Variants in LRGUK observed in about 807,000 individuals in gnomAD.
The protein encoded by LRGUK is leucine-rich repeat and guanylate kinase domain-containing protein.
A neutral mutation model predicts 76.0 loss-of-function variants in LRGUK; 65 were observed. The ratio of observed to expected loss-of-function variants is 0.85; its 90% confidence interval spans 0.70 to 1.05. The LOEUF (loss-of-function observed/expected upper bound fraction) is 1.05. LRGUK is among the 50% of genes least tolerant of loss of function. The pLI is 0.00. For synonymous variants in LRGUK, 268 were observed against 265.6 expected (o/e 1.01, Z -0.09); for missense variants, 758 against 732.8 (o/e 1.03, Z -0.40).
At chr7:134,205,285 T>A (rs188805375) in intron 15 of LRGUK, among the ~76,000 whole-genome samples, 64 of 152,238 alleles carry the variant, frequency 4.2e-4, no homozygotes, top group African/African-American at 1.5e-3. Flanking sequence ...AAGTTCCTGA[T>A]TGGTGCGTTT....
At chr7:134,142,301 T>C (rs373767744) in intron 3 of LRGUK, among the ~76,000 whole-genome samples, 81 of 152,326 alleles carry the variant, frequency 5.3e-4, no homozygotes, top group African/African-American at 1.9e-3. Context: ...CCCTTCCTGA[T>C]TCCTTCCCTA....
chr7:134,182,502 T>C (rs1250452589), intron 10 of LRGUK, among the ~76,000 whole-genome samples: 2 of 152,164 alleles, frequency 1.3e-5, no homozygotes, highest in Non-Finnish European at 2.9e-5. Context: ...CGATACTGTT[T>C]CATGTACTTA....
chr7:134,179,220 C>G (rs77419812), intron 10 of LRGUK, among the ~76,000 whole-genome samples: 4 of 152,168 alleles, frequency 2.6e-5, no homozygotes, highest in African/African-American at 7.2e-5. Flanking sequence ...TGAACAGAGT[C>G]TCTCACCTCT....
chr7:134,158,383 TG>T (rs1425447094), intron 6 of LRGUK, among the ~76,000 whole-genome samples: 1 of 152,204 alleles, frequency 6.6e-6, no homozygotes, highest in Admixed American at 6.5e-5. Context: ...TAAAATGATT[TG>T]CTAATTTGTT....
At chr7:134,136,386 A>G (rs1797542229) in intron 1 of LRGUK, among the ~76,000 whole-genome samples, 1 of 152,222 alleles carries the variant, frequency 6.6e-6, no homozygotes, top group Non-Finnish European at 1.5e-5. Context: ...AGTGAACTGA[A>G]GGACCTGTTT....
intron 18 of LRGUK, among the ~76,000 whole-genome samples, chr7:134,257,425 C>G (rs1802612814): frequency 6.6e-6 from 1 of 152,024 alleles, no homozygotes; most frequent in Non-Finnish European, 1.5e-5. Context: ...AGGTGAATCC[C>G]AAAGGAGAGG....
At chr7:134,127,807 C>T in intron 1 of LRGUK, 143 bp downstream of exon 1, 1 of 876,962 alleles carries the variant, frequency 1.1e-6, no homozygotes, top group Non-Finnish European at 1.7e-6. Context: ...GCCTCTTCCC[C>T]CTCTTTTCTT....
intron 2 of LRGUK, among the ~76,000 whole-genome samples, chr7:134,138,124 C>T (rs924203355): frequency 2.0e-5 from 3 of 152,208 alleles, no homozygotes; most frequent in Non-Finnish European, 4.4e-5. Flanking sequence ...GTATGCATTG[C>T]ACTGTGTTTG....
intron 16 of LRGUK, among the ~76,000 whole-genome samples, chr7:134,239,181 A>C (rs546985247): frequency 2.6e-5 from 4 of 152,218 alleles, no homozygotes; most frequent in African/African-American, 9.6e-5. Context: ...CTGCATTTCC[A>C]ACTGAGGTAC....
At chr7:134,139,021 G>A (rs1797650230) in intron 2 of LRGUK, among the ~76,000 whole-genome samples, 1 of 152,114 alleles carries the variant, frequency 6.6e-6, no homozygotes, top group South Asian at 2.1e-4. Flanking sequence ...TGTTATTAAT[G>A]ATTTCCTGAT....
At chr7:134,258,269 C>G in exon 19 of LRGUK, 1 of 1,613,936 alleles carries the variant, frequency 6.2e-7, no homozygotes, top group Non-Finnish European at 8.5e-7. Context: ...GGAAGGATTC[C>G]TTGGTTTCCA....
At chr7:134,206,576 A>ATGTG (rs200883534) in intron 15 of LRGUK, among the ~76,000 whole-genome samples, 2 of 150,462 alleles carry the variant, frequency 1.3e-5, no homozygotes. Context: ...ATATGTGTGT[A>ATGTG]TGTGTGTGTG....
chr7:134,272,665 A>G, the LRGUK span, among the ~76,000 whole-genome samples: 1 of 152,222 alleles, frequency 6.6e-6, no homozygotes, highest in Non-Finnish European at 1.5e-5. Flanking sequence ...GTTGAATAAC[A>G]TGACATCAAA....
chr7:134,223,925 T>A (rs1801665960), intron 16 of LRGUK, among the ~76,000 whole-genome samples: 1 of 152,080 alleles, frequency 6.6e-6, no homozygotes, highest in Non-Finnish European at 1.5e-5. Flanking sequence ...CCCAGCTAAC[T>A]AGTAGGTTTT....
chr7:134,269,174 C>T (rs141876346), downstream of LRGUK, among the ~76,000 whole-genome samples: 596 of 152,192 alleles, frequency 3.9e-3, 5 homozygotes, highest in African/African-American at 0.014. Context: ...CTTTCTTACT[C>T]AGTTCAATGA....
intron 5 of LRGUK, among the ~76,000 whole-genome samples, chr7:134,156,813 T>C (rs1389807391): frequency 6.6e-6 from 1 of 152,146 alleles, no homozygotes; most frequent in Non-Finnish European, 1.5e-5. Flanking sequence ...TAACTATTGA[T>C]GTTAAAGGTG....
intron 7 of LRGUK, among the ~76,000 whole-genome samples, chr7:134,169,505 T>G (rs907297180): frequency 6.6e-6 from 1 of 152,228 alleles, no homozygotes; most frequent in African/African-American, 2.4e-5. Flanking sequence ...CTGAAAGTTA[T>G]TCTTCACTAT....
chr7:134,252,127 C>G lies in LRGUK; in HGVS notation c.2198+3051C>G, dbSNP rs971045534. The stretch of plus-strand genomic sequence containing the variant: ...GGTAGAAGGATTGGATCATTTGAGC[C>G]CAGGAGTTCAAGACCAGCCTCGGCA... On this transcript the variant is annotated intron_variant, in intron 18 of 19. Transcript: ENST00000285928. Among the ~76,000 whole-genome samples the G allele has an allele frequency of 3.3e-5, 5 of 151,792 alleles. No individual in the cohort carries two copies. In the East Asian group the frequency reaches 9.7e-4, roughly 29 times the overall value.
downstream of LRGUK, among the ~76,000 whole-genome samples, chr7:134,268,578 A>G (rs1440075004): frequency 6.6e-6 from 1 of 152,120 alleles, no homozygotes; most frequent in Admixed American, 6.5e-5. Context: ...CACCAATTCT[A>G]TACAATCTCT....
Sources: allele counts gnomAD v4.1 joint callset (sites outside exome capture counted in the v4.1 genomes callset), GRCh38; gene constraint gnomAD v4.1.1; transcripts MANE v1.5; gene names NCBI Gene and HGNC (gene_info 2026-07-23, HGNC 2026-07-21).